Variants in ZNF641 observed in about 807,000 individuals in gnomAD.
ZNF641 encodes the protein zinc finger protein 641.
Under a neutral mutation model 46.2 loss-of-function variants are expected in ZNF641, and 26 were observed. The observed-to-expected ratio is 0.56, with a 90% CI of 0.41 to 0.78. The LOEUF (loss-of-function observed/expected upper bound fraction) is 0.78. Among genes scored for constraint, ZNF641 ranks in the 30% least tolerant of loss-of-function variants. The pLI, the probability that ZNF641 is intolerant of heterozygous loss-of-function variation, is 0.00. For synonymous variants in ZNF641, 163 were observed against 187.9 expected, an observed-to-expected ratio of 0.87 and a Z score of 1.09; for missense variants, 469 against 517.8, an observed-to-expected ratio of 0.91 and a Z score of 0.91.
chr12:48,341,669 A>G lies in ZNF641; in HGVS notation c.*1304T>C, dbSNP rs1952720052. 6.1e-6 allele frequency: 6 copies of G among 985,426 alleles called. No homozygotes were observed. The highest frequency in any genetic ancestry group is 7.2e-6 in the Non-Finnish European group (6 of 829,926). The allele number at this position is 985,426 out of a possible 1,614,324, so 61.0% of individuals were successfully genotyped here. On this transcript the variant is annotated 3_prime_UTR_variant, in exon 6 of 6. Transcript: ENST00000547026. ...TTGCAAACACGTAATTCCTGCCCTA[A>G]TTTTCCAGCACTTAAAACAAAATCC...
At chr12:48,346,099 T>C (rs1343252957) in intron 3 of ZNF641, among the ~76,000 whole-genome samples, 1 of 151,884 alleles carries the variant, frequency 6.6e-6, no homozygotes, top group Non-Finnish European at 1.5e-5. Flanking sequence ...AGAGACGGGG[T>C]TTCACCATGT....
At position 48,350,806 on chromosome 12, in the gene ZNF641, G is replaced by T; in HGVS notation, c.-46C>A. On this transcript the variant is annotated 5_prime_UTR_variant, in exon 1 of 6. Coordinates refer to ENST00000547026, the MANE Select transcript of ZNF641 (RefSeq NM_001172681.2). ...CTCACCCCCGGTAGGCTTGGCCCGC[G>T]GCCCGGTGCCTCCCTCCCGGGCGCC... is the stretch of plus-strand genomic sequence containing the variant. 1 of 984,328 alleles carries T rather than the reference G, an allele frequency of 1.0e-6. No individual in the cohort carries two copies. Among genetic ancestry groups the T allele is most frequent in the East Asian group, 1.1e-4 (1 of 8,784 alleles). The allele number at this position is 984,328 out of a possible 1,614,324, so 61.0% of individuals were successfully genotyped here.
rs1952721313 is a variant in ZNF641 at position 48,341,696 on chromosome 12, C to T, written c.*1277G>A. The stretch of plus-strand genomic sequence containing the variant: ...TTTCCAGCACTTAAAACAAAATCCC[C>T]ACTCAATACAAAGTTTCTATGTGCC... On this transcript the variant is annotated 3_prime_UTR_variant, in exon 6 of 6. Coordinates refer to ENST00000547026, the MANE Select transcript of ZNF641 (RefSeq NM_001172681.2). 1 of 985,426 alleles carries T rather than the reference C, an allele frequency of 1.0e-6. No individual in the cohort carries two copies. The highest frequency in any genetic ancestry group is 1.1e-4 in the East Asian group (1 of 8,812). 61.0% of individuals were successfully genotyped at this position (985,426 alleles called of 1,614,324 possible).
At chr12:48,345,766 G>A (rs1485016851) in intron 3 of ZNF641, among the ~76,000 whole-genome samples, 1 of 152,176 alleles carries the variant, frequency 6.6e-6, no homozygotes, top group Admixed American at 6.5e-5. Flanking sequence ...AGCTACAGGT[G>A]TCTACTCAGT....
Position 48,341,653 on chromosome 12 carries a change from C to T in ZNF641, c.*1320G>A, listed in dbSNP as rs1312500800. On this transcript the variant is annotated 3_prime_UTR_variant, in exon 6 of 6. Coordinates refer to ENST00000547026, the MANE Select transcript of ZNF641 (RefSeq NM_001172681.2). ...CAGTGATGGCAACAACTTGCAAACA[C>T]GTAATTCCTGCCCTAATTTTCCAGC... The T allele has an allele frequency of 6.1e-6, 6 of 985,316 alleles. No homozygotes were observed. Among genetic ancestry groups the T allele is most frequent in the Non-Finnish European group, 7.2e-6 (6 of 829,940 alleles). The allele number at this position is 985,316 out of a possible 1,614,324, so 61.0% of individuals were successfully genotyped here.
intron 4 of ZNF641, 172 bp from the exon 5 acceptor site, chr12:48,344,884 C>T (rs1054419685): frequency 1.3e-4 from 74 of 567,136 alleles, no homozygotes; most frequent in Non-Finnish European, 1.8e-4. Flanking sequence ...TCTGTTAAGT[C>T]CCTCTTCTCT....
In ZNF641 at chr12:48,343,202, T is replaced by G. The variant is rs2732481; in HGVS notation, c.1046A>C (p.Gln349Pro). ...VGESPGTRKRQRAPPVPKCHV... is the reference protein window; with the variant it reads ...VGESPGTRKRPRAPPVPKCHV... ...ACACTTTGGCACTGGTGGGGCACGC[T>G]GCCGTTTCCTTGTGCCAGGGCTCTC... is the stretch of plus-strand genomic sequence containing the variant. The change falls in exon 6 of 6, where the codon CAG becomes CCG. Residue 349 changes from glutamine to proline, a missense_variant. Physicochemically the swap from Gln to Pro is moderately conservative, Grantham distance 76 (BLOSUM62 -1). Transcript: ENST00000547026. 496,958 of 1,614,044 alleles carry G rather than the reference T, an allele frequency of 0.31. 82,422 individuals are homozygous for G. Among genetic ancestry groups the G allele is most frequent in the South Asian group, 0.38 (34,411 of 91,076 alleles).
rs185139038 is a variant in ZNF641 at position 48,348,204 on chromosome 12, T to G, written c.-25-89A>C. 1.7e-5 allele frequency: 21 copies of G among 1,271,024 alleles called. No individual in the cohort carries two copies. In the African/African-American group the frequency reaches 2.9e-4, roughly 18 times the overall value. 78.7% of individuals were successfully genotyped at this position (1,271,024 alleles called of 1,614,324 possible). ...TTATGAAGAACAGGCCCAGGGATAA[T>G]AGACAAAACTAGATAGGAGGAGCTT... On this transcript the variant is annotated intron_variant, in intron 1 of 5. Coordinates refer to ENST00000547026, the MANE Select transcript of ZNF641 (RefSeq NM_001172681.2).
downstream of ZNF641, among the ~76,000 whole-genome samples, chr12:48,335,771 C>CT (rs147811112): frequency 2.4e-3 from 362 of 152,296 alleles, 5 homozygotes; most frequent in East Asian, 0.019. Context: ...TCCTTAATGA[C>CT]TAAGTGCCTG....
Position 48,348,033 on chromosome 12 carries a change from G to T in ZNF641, c.58C>A (p.Leu20Met). 1 of 1,614,174 alleles carries T rather than the reference G, an allele frequency of 6.2e-7. No individual in the cohort carries two copies. The highest frequency in any genetic ancestry group is 8.5e-7 in the Non-Finnish European group (1 of 1,180,024). ...TCCACCTGGGGCTCTGCTCCATCCA[G>T]CTGTACATTCATTGATTCCCATCCT... is the stretch of plus-strand genomic sequence containing the variant. ...GTGWESMNVQ[L>M]DGAEPQVERG... The change falls in exon 2 of 6, where the codon CTG (leucine) becomes ATG (methionine). Residue 20 changes from leucine (L) to methionine (M), a missense_variant. Leu to Met is a conservative substitution (Grantham distance 15, BLOSUM62 2). This residue lies in a region of ZNF641 where 98 missense variants were observed against 105.7 expected (regional missense o/e 0.93). Transcript: ENST00000547026.
Position 48,348,126 on chromosome 12 carries a change from T to C in ZNF641, c.-25-11A>G, listed in dbSNP as rs1228408100. 1.2e-6 allele frequency: 2 copies of C among 1,613,768 alleles called. No homozygotes were observed. The highest frequency in any genetic ancestry group is 1.7e-5 in the Admixed American group (1 of 60,032). ...GACCCAAATTGTGACCTGGAACAAATTCATATCAGCAATGCCCATGAAAAT... is the reference window on the plus strand; with the variant it reads ...GACCCAAATTGTGACCTGGAACAAACTCATATCAGCAATGCCCATGAAAAT... On this transcript the variant is annotated splice_polypyrimidine_tract_variant and intron_variant, in intron 1 of 5. Coordinates refer to ENST00000547026, the MANE Select transcript of ZNF641 (RefSeq NM_001172681.2).
intron 4 of ZNF641, among the ~76,000 whole-genome samples, chr12:48,344,970 G>A (rs1000849780): frequency 6.6e-6 from 1 of 151,672 alleles, no homozygotes; most frequent in Non-Finnish European, 1.5e-5. Context: ...TGGCCTTTCT[G>A]GGCGTAACTT....
In ZNF641 at chr12:48,341,521, G is replaced by T. The variant is rs2634679; in HGVS notation, c.*1452C>A. ...CAACCAGAAAGCTTATTACCCTGCAGCAGCTGAAAAGCTAAGCCACAGCCA... is the reference window on the plus strand; with the variant it reads ...CAACCAGAAAGCTTATTACCCTGCATCAGCTGAAAAGCTAAGCCACAGCCA... On this transcript the variant is annotated 3_prime_UTR_variant, in exon 6 of 6. Coordinates refer to ENST00000547026, the MANE Select transcript of ZNF641 (RefSeq NM_001172681.2). 834,290 of 985,226 alleles carry T rather than the reference G, an allele frequency of 0.85. 355,429 individuals are homozygous for T. Among genetic ancestry groups the T allele is most frequent in the Non-Finnish European group, 0.87 (721,216 of 829,902 alleles). The allele number at this position is 985,226 out of a possible 1,614,324, so 61.0% of individuals were successfully genotyped here.
intron 1 of ZNF641, among the ~76,000 whole-genome samples, chr12:48,348,888 A>C (rs1343319999): frequency 6.6e-6 from 1 of 152,240 alleles, no homozygotes; most frequent in African/African-American, 2.4e-5. Flanking sequence ...AACTGCTGCT[A>C]ACATGACCCA....
rs769348987 is a variant in ZNF641 at position 48,343,429 on chromosome 12, A to C, written c.819T>G (p.Thr273=). The C allele has an allele frequency of 2.5e-6, 4 of 1,614,160 alleles. No individual in the cohort carries two copies. The South Asian group carries it at 4.4e-5, about 18-fold the overall frequency. Residue 273 remains threonine, a synonymous_variant, in exon 6 of 6, where the codon ACT becomes ACG. Coordinates refer to ENST00000547026, the MANE Select transcript of ZNF641 (RefSeq NM_001172681.2). ...TGAGGCAGCTGTAGGGTCTCTCCCC[A>C]GTGTGTGTTTGTTGATGCCTGGCAA... ...SHLARHQQTH[T]GERPYSCLKC...
upstream of ZNF641, chr12:48,350,926 G>A: frequency 1.1e-6 from 1 of 902,102 alleles, no homozygotes; most frequent in Non-Finnish European, 1.3e-6. Flanking sequence ...AGGCGCGGGC[G>A]GGGCGGGGCG....
rs2732467 is a variant in ZNF641 at position 48,338,936 on chromosome 12, C to A, written c.*4037G>T. 25 of 151,942 alleles carry A rather than the reference C, an allele frequency of 1.6e-4. No individual in the cohort carries two copies. Among genetic ancestry groups the A allele is most frequent in the African/African-American group, 5.6e-4 (23 of 41,330 alleles). 9.4% of individuals were successfully genotyped at this position (151,942 alleles called of 1,614,324 possible). A position where few individuals can be genotyped will look rare whatever the true frequency, so the allele number is the denominator to read the frequency against. ...TCCACCTGCCTCTTATTAGAAGAGC[C>A]AGTGAAAAGGACAAGGCAAAGGAGA... On this transcript the variant is annotated 3_prime_UTR_variant, in exon 6 of 6. Transcript: ENST00000547026.
At position 48,340,698 on chromosome 12, in the gene ZNF641, A is replaced by G; in HGVS notation, c.*2275T>C. The stretch of plus-strand genomic sequence containing the variant: ...TAAATGTGTATGGAAAACTGAGTGA[A>G]TTACAAATGTCTTTTTCTCAAAAGT... On this transcript the variant is annotated 3_prime_UTR_variant, in exon 6 of 6. Coordinates refer to ENST00000547026, the MANE Select transcript of ZNF641 (RefSeq NM_001172681.2). 4.1e-6 allele frequency: 4 copies of G among 985,458 alleles called. No individual in the cohort carries two copies. Among genetic ancestry groups the G allele is most frequent in the South Asian group, 4.7e-5 (1 of 21,286 alleles). 61.0% of individuals were successfully genotyped at this position (985,458 alleles called of 1,614,324 possible).
chr12:48,348,251 G>T, intron 1 of ZNF641, 136 bp from the exon 2 acceptor site: 1 of 873,010 alleles, frequency 1.1e-6, no homozygotes, highest in Non-Finnish European at 1.7e-6. Context: ...AACTTTAAAA[G>T]CTTGATGTGT....
Sources: gnomAD v4.1 joint callset for allele counts (sites outside exome capture counted in the v4.1 genomes callset) on GRCh38, gnomAD v4.1.1 for gene constraint, gnomAD v4.1.1 regional missense constraint, MANE v1.5 for transcripts, NCBI Gene and HGNC (gene_info 2026-07-23, HGNC 2026-07-21) for gene names.